Variants in TMEM132C observed in about 807,000 individuals in gnomAD.
The protein encoded by TMEM132C is transmembrane protein 132C.
In TMEM132C, 29 loss-of-function variants were observed where a neutral mutation model predicts 61.4. The ratio of observed to expected loss-of-function variants is 0.47; its 90% CI spans 0.35 to 0.64. The LOEUF is 0.64. Among genes scored for constraint, TMEM132C ranks in the 30% least tolerant of loss-of-function variants. The pLI is 0.00. For missense variants in TMEM132C, 1,408 were observed against 1,476.9 expected, an observed-to-expected ratio of 0.95 and a Z score of 0.76; for synonymous variants, 656 against 633.1, an observed-to-expected ratio of 1.04 and a Z score of -0.54.
chr12:128,323,170 A>T (rs1241335077), intron 1 of TMEM132C, among the ~76,000 whole-genome samples: 1 of 152,228 alleles, frequency 6.6e-6, no homozygotes. Flanking sequence ...AAGAATTTAT[A>T]TGCCAACTCC....
chr12:128,427,390 GTGTGTGT>G lies in TMEM132C; in HGVS notation c.974+11771_974+11777del, dbSNP rs1565932938. Among the ~76,000 whole-genome samples, 443 of 49,290 alleles carry G rather than the reference GTGTGTGT, an allele frequency of 9.0e-3. 4 individuals carry two copies. Among genetic ancestry groups the G allele is most frequent in the African/African-American group, 0.025 (395 of 15,834 alleles). 32.3% of individuals were successfully genotyped at this position (49,290 alleles called of 152,430 possible). On this transcript the variant is annotated intron_variant, in intron 2 of 8. Coordinates refer to ENST00000435159, the MANE Select transcript of TMEM132C (RefSeq NM_001136103.3). ...TTTTAGTTTCTACTTCCAAAGGGGT[GTGTGTGT>G]GTGTGTGTGTGTGTGTGTGTGTGTG...
At chr12:128,494,053 G>T (rs1871849510) in intron 2 of TMEM132C, among the ~76,000 whole-genome samples, 1 of 152,168 alleles carries the variant, frequency 6.6e-6, no homozygotes, top group African/African-American at 2.4e-5. Context: ...AGAGTTTTTA[G>T]CATGAAGGGC....
chr12:128,584,651 T>G (rs1875470379), intron 3 of TMEM132C, among the ~76,000 whole-genome samples: 2 of 152,222 alleles, frequency 1.3e-5, no homozygotes, highest in African/African-American at 4.8e-5. Flanking sequence ...TGCATGATTT[T>G]GGTGAGACCC....
intron 4 of TMEM132C, among the ~76,000 whole-genome samples, chr12:128,665,521 TCACA>T (rs1954451692): frequency 3.5e-5 from 4 of 113,618 alleles, no homozygotes; most frequent in East Asian, 5.4e-4. Flanking sequence ...ACACAGGCAC[TCACA>T]CATACACAAA....
At chr12:128,280,994 A>G (rs1371569581) in intron 1 of TMEM132C, among the ~76,000 whole-genome samples, 2 of 152,194 alleles carry the variant, frequency 1.3e-5, no homozygotes, top group African/African-American at 2.4e-5. Flanking sequence ...AGAACGATAC[A>G]TATTCCTACA....
At chr12:128,366,465 C>T (rs1029772642) in intron 1 of TMEM132C, among the ~76,000 whole-genome samples, 4 of 152,184 alleles carry the variant, frequency 2.6e-5, no homozygotes, top group Admixed American at 6.5e-5. Flanking sequence ...CAGCTGGACG[C>T]GGCTTCTTAT....
At chr12:128,365,655 T>C (rs1250785263) in intron 1 of TMEM132C, among the ~76,000 whole-genome samples, 1 of 152,196 alleles carries the variant, frequency 6.6e-6, no homozygotes, top group African/African-American at 2.4e-5. Flanking sequence ...GAGTACCGGT[T>C]CCAGCAGGAG....
intron 1 of TMEM132C, among the ~76,000 whole-genome samples, chr12:128,359,539 A>G (rs530154168): frequency 3.9e-5 from 6 of 152,306 alleles, no homozygotes; most frequent in African/African-American, 1.4e-4. Context: ...AGTTTCTAAG[A>G]CTTTCCACTT....
intron 4 of TMEM132C, among the ~76,000 whole-genome samples, chr12:128,657,380 G>A (rs996240260): frequency 2.0e-5 from 3 of 152,154 alleles, no homozygotes; most frequent in Non-Finnish European, 2.9e-5. Context: ...AGCTAGAAAA[G>A]CTCTTTTTCT....
intron 2 of TMEM132C, among the ~76,000 whole-genome samples, chr12:128,468,052 G>A (rs1323988897): frequency 6.6e-6 from 1 of 152,218 alleles, no homozygotes; most frequent in Non-Finnish European, 1.5e-5. Flanking sequence ...GGAGTAGAGG[G>A]CAGAGAGGTA....
chr12:128,615,056 C>T (rs1876754117), intron 3 of TMEM132C, among the ~76,000 whole-genome samples: 1 of 152,328 alleles, frequency 6.6e-6, no homozygotes, highest in South Asian at 2.1e-4. Context: ...CTCTAGAACC[C>T]ACTTCTTCCT....
chr12:128,443,202 A>G (rs914831532), intron 2 of TMEM132C, among the ~76,000 whole-genome samples: 1 of 152,212 alleles, frequency 6.6e-6, no homozygotes, highest in Non-Finnish European at 1.5e-5. Flanking sequence ...ATGTTCTCAC[A>G]AGTGGGAGCT....
intron 2 of TMEM132C, among the ~76,000 whole-genome samples, chr12:128,512,996 C>T (rs1482455682): frequency 2.0e-5 from 3 of 152,280 alleles, no homozygotes; most frequent in Admixed American, 2.0e-4. Flanking sequence ...GTAAAGCTGA[C>T]CTTCCGGTGG....
rs770662792 is a variant in TMEM132C at position 128,706,367 on chromosome 12, C to T, written c.*72C>T. 20 of 1,442,506 alleles carry T rather than the reference C, an allele frequency of 1.4e-5. No individual in the cohort carries two copies. Among genetic ancestry groups the T allele is most frequent in the South Asian group, 3.0e-5 (2 of 67,460 alleles). The allele number at this position is 1,442,506 out of a possible 1,614,324, so 89.4% of individuals were successfully genotyped here. A position where few individuals can be genotyped will look rare whatever the true frequency, so the allele number is the denominator to read the frequency against. Reference sequence around the variant, plus strand: ...AAACTGGCCCAAGTGGGGCAGAAGGCGTTGTCAGTGGGGTTAAGAAGGGAC... The same window carrying T: ...AAACTGGCCCAAGTGGGGCAGAAGGTGTTGTCAGTGGGGTTAAGAAGGGAC... On this transcript the variant is annotated 3_prime_UTR_variant, in exon 9 of 9. Coordinates refer to ENST00000435159, the MANE Select transcript of TMEM132C (RefSeq NM_001136103.3).
chr12:128,623,786 C>T (rs1339202481), intron 4 of TMEM132C, among the ~76,000 whole-genome samples: 2 of 150,800 alleles, frequency 1.3e-5, no homozygotes, highest in African/African-American at 4.9e-5. Context: ...CCAGCCTTGG[C>T]GACAGAGCAA....
rs868706394 is a variant in TMEM132C, at chr12:128,516,756, A to T, written c.975-27201A>T. On this transcript the variant is annotated intron_variant, in intron 2 of 8. Transcript: ENST00000435159. ...GCAAGACTCCACCTCTACAAAAAAA[A>T]TTTTTAAATTAGCCAGGTGTGGTGG... is the stretch of plus-strand genomic sequence containing the variant. Among the ~76,000 whole-genome samples the T allele has an allele frequency of 3.3e-5, 5 of 152,160 alleles. No homozygotes were observed. In the South Asian group the frequency reaches 6.2e-4, roughly 19 times the overall value.
chr12:128,700,470 A>G (rs912770487), intron 8 of TMEM132C, among the ~76,000 whole-genome samples: 14 of 152,220 alleles, frequency 9.2e-5, no homozygotes, highest in African/African-American at 3.1e-4. Flanking sequence ...TCTGCTGTTC[A>G]GGGGCTTTTT....
chr12:128,337,729 G>A (rs1872826836), intron 1 of TMEM132C, among the ~76,000 whole-genome samples: 1 of 152,108 alleles, frequency 6.6e-6, no homozygotes, highest in African/African-American at 2.4e-5. Flanking sequence ...CAGTCTCCTT[G>A]CTGTTTCTTT....
chr12:128,369,562 G>A (rs927812329), intron 1 of TMEM132C, among the ~76,000 whole-genome samples: 2 of 152,180 alleles, frequency 1.3e-5, no homozygotes, highest in African/African-American at 4.8e-5. Flanking sequence ...TACAGCAGGA[G>A]GTAACACAGG....
Sources: gnomAD v4.1 joint callset for allele counts (sites outside exome capture counted in the v4.1 genomes callset) on GRCh38, gnomAD v4.1.1 for gene constraint, MANE v1.5 for transcripts, NCBI Gene and HGNC (gene_info 2026-07-23, HGNC 2026-07-21) for gene names.